Variants in ITGA8 observed in about 807,000 individuals in gnomAD.
ITGA8 encodes the protein integrin subunit alpha 8.
ITGA8 carries 91 observed loss-of-function variants against 142.3 expected under a neutral mutation model. The observed-to-expected ratio is 0.64, with a 90% CI of 0.54 to 0.76. The LOEUF (loss-of-function observed/expected upper bound fraction) is 0.76. Ranked by LOEUF, ITGA8 falls within the 30% of genes least tolerant of loss-of-function variation. The pLI is 0.00. For synonymous variants in ITGA8, 505 were observed against 485.2 expected (o/e 1.04, Z -0.54); for missense variants, 1,406 against 1,327.7 (o/e 1.06, Z -0.92).
chr10:15,601,876 A>T (rs1833110358), intron 20 of ITGA8, among the ~76,000 whole-genome samples: 1 of 152,234 alleles, frequency 6.6e-6, no homozygotes, highest in Non-Finnish European at 1.5e-5. Context: ...CAAACCTCAA[A>T]CTGTTTCCAA....
At chr10:15,644,481 TA>T (rs1564389008) in intron 12 of ITGA8, among the ~76,000 whole-genome samples, 2 of 22,326 alleles carry the variant, frequency 9.0e-5, no homozygotes, top group Non-Finnish European at 2.0e-4. Flanking sequence ...TATATATATA[TA>T]TATATATATA....
chr10:15,557,964 G>A, intron 26 of ITGA8, 110 bp downstream of exon 26: 1 of 1,313,820 alleles, frequency 7.6e-7, no homozygotes, highest in Non-Finnish European at 1.1e-6. Context: ...AGGAATATCT[G>A]AGCACTGAAG....
intron 13 of ITGA8, among the ~76,000 whole-genome samples, chr10:15,631,408 C>A (rs1413358081): frequency 1.3e-5 from 2 of 151,936 alleles, no homozygotes; most frequent in Admixed American, 6.6e-5. Flanking sequence ...GAGTTCATGT[C>A]CTTTGCGGGG....
rs1036304397 is a variant in ITGA8, at chr10:15,711,446, C to T, written c.343+7320G>A. Among the ~76,000 whole-genome samples the T allele has an allele frequency of 1.1e-4, 17 of 152,158 alleles. No individual in the cohort carries two copies. In the East Asian group the frequency reaches 1.5e-3, roughly 14 times the overall value. ...TAATCATCATATCAAATATGTAACT[C>T]TCTTGCCTTCTCCATAAAGGTTTTT... On this transcript the variant is annotated intron_variant, in intron 2 of 29. Transcript: ENST00000378076.
intron 22 of ITGA8, among the ~76,000 whole-genome samples, chr10:15,590,334 G>A (rs899829032): frequency 6.6e-6 from 1 of 152,104 alleles, no homozygotes; most frequent in African/African-American, 2.4e-5. Flanking sequence ...GGATGGACTC[G>A]GGGAAGCCAT....
At chr10:15,708,110 C>T (rs1030804681) in intron 2 of ITGA8, among the ~76,000 whole-genome samples, 3 of 152,196 alleles carry the variant, frequency 2.0e-5, no homozygotes, top group African/African-American at 4.8e-5. Flanking sequence ...ACGTACTCCA[C>T]GTCAAGAACA....
At chr10:15,642,325 G>A (rs865874271) in intron 13 of ITGA8, among the ~76,000 whole-genome samples, 1 of 152,078 alleles carries the variant, frequency 6.6e-6, no homozygotes, top group African/African-American at 2.4e-5. Flanking sequence ...TCAAAGGACT[G>A]GCTATGTGAT....
intron 25 of ITGA8, among the ~76,000 whole-genome samples, chr10:15,563,499 G>T (rs1466131270): frequency 1.3e-5 from 2 of 152,130 alleles, no homozygotes; most frequent in Admixed American, 1.3e-4. Flanking sequence ...TAACTCTGTG[G>T]TTAACCAAGC....
chr10:15,589,844 C>T (rs950364737), intron 22 of ITGA8, among the ~76,000 whole-genome samples: 1 of 149,492 alleles, frequency 6.7e-6, no homozygotes, highest in Non-Finnish European at 1.5e-5. Flanking sequence ...CTCGCTGCAA[C>T]CTCTGCCTGC....
chr10:15,609,444 G>T (rs76348088), intron 15 of ITGA8, among the ~76,000 whole-genome samples: 1 of 152,168 alleles, frequency 6.6e-6, no homozygotes, highest in African/African-American at 2.4e-5. Flanking sequence ...TAATGAAAAA[G>T]TGTCACATCT....
rs757959277 is a variant in ITGA8, at chr10:15,597,328, G to A, written c.2119-29C>T. 4 of 1,574,284 alleles carry A rather than the reference G, an allele frequency of 2.5e-6. No individual in the cohort carries two copies. The South Asian group carries it at 4.4e-5, about 17-fold the overall frequency. Reference sequence around the variant, plus strand: ...CAATTGCAAAGAACAGGGGGTTTAGGGGGCAGGATAAATGACATCCTGACA... The same window carrying A: ...CAATTGCAAAGAACAGGGGGTTTAGAGGGCAGGATAAATGACATCCTGACA... On this transcript the variant is annotated intron_variant, in intron 20 of 29. Transcript: ENST00000378076.
intron 25 of ITGA8, among the ~76,000 whole-genome samples, chr10:15,566,830 A>G (rs1016016945): frequency 3.1e-5 from 3 of 96,130 alleles, no homozygotes; most frequent in Non-Finnish European, 4.2e-5. Context: ...AAAAAAAAAG[A>G]GGCCGGGTGC....
chr10:15,665,501 G>A (rs1267027252), intron 8 of ITGA8, among the ~76,000 whole-genome samples: 2 of 152,062 alleles, frequency 1.3e-5, no homozygotes, highest in Admixed American at 1.3e-4. Flanking sequence ...CTTTTGCTGT[G>A]CAGAAGCTCT....
At chr10:15,684,205 T>C (rs1430868918) in intron 3 of ITGA8, 78 bp from the exon 4 acceptor site, 3 of 1,436,652 alleles carry the variant, frequency 2.1e-6, no homozygotes, top group Non-Finnish European at 2.8e-6. Flanking sequence ...ATTATTGGTA[T>C]AACAAACTGT....
intron 28 of ITGA8, among the ~76,000 whole-genome samples, chr10:15,529,810 AG>A (rs1247476448): frequency 6.6e-6 from 1 of 152,226 alleles, no homozygotes; most frequent in Non-Finnish European, 1.5e-5. Flanking sequence ...CATCCAAAGC[AG>A]TGCTTCTCAA....
At chr10:15,623,999 T>C (rs538974516) in intron 13 of ITGA8, among the ~76,000 whole-genome samples, 34 of 152,318 alleles carry the variant, frequency 2.2e-4, no homozygotes, top group Middle Eastern at 3.4e-3. Flanking sequence ...TCCACAATGT[T>C]GTGTGTTCCA....
intron 15 of ITGA8, among the ~76,000 whole-genome samples, 193 bp from the exon 16 acceptor site, chr10:15,608,483 C>T (rs111915319): frequency 1.1e-3 from 171 of 152,084 alleles, no homozygotes; most frequent in African/African-American, 3.9e-3. Flanking sequence ...AGACAAGTGA[C>T]ATTATTATTA....
Position 15,644,093 on chromosome 10 carries a change from C to T in ITGA8, c.1336G>A (p.Val446Ile), listed in dbSNP as rs140434568. 7.7e-4 allele frequency: 1,236 copies of T among 1,614,046 alleles called. 2 individuals carry two copies. The highest frequency in any genetic ancestry group is 9.8e-4 in the Non-Finnish European group (1,157 of 1,179,980). Reference sequence around the variant, plus strand: ...AAAGTAAAGCCAAATCCGGAAGGGACAGCATGTGAGGCCCACACTCCTTGC... The same window carrying T: ...AAAGTAAAGCCAAATCCGGAAGGGATAGCATGTGAGGCCCACACTCCTTGC... ...VLQGVWASHA[V>I]PSGFGFTLRG... is the part of the protein sequence containing the mutation. The change falls in exon 13 of 30, where the codon GTC (valine) becomes ATC (isoleucine). Residue 446 changes from valine to isoleucine, a missense_variant. Transcript: ENST00000378076.
rs1275420062 is a variant in ITGA8 at position 15,515,008 on chromosome 10, G to C, written c.*2150C>G. 6.6e-6 allele frequency: 1 copy of C among 152,168 alleles called. No homozygotes were observed. Among genetic ancestry groups the C allele is most frequent in the East Asian group, 1.9e-4 (1 of 5,188 alleles). 9.4% of individuals were successfully genotyped at this position (152,168 alleles called of 1,614,324 possible). On this transcript the variant is annotated 3_prime_UTR_variant, in exon 30 of 30. Coordinates refer to ENST00000378076, the MANE Select transcript of ITGA8 (RefSeq NM_003638.3). ...AAGAGTTCTCAGTTCCTTCACCAATGTTGGCTTAAAGACAAGGGGTGCATT... is the reference window on the plus strand; with the variant it reads ...AAGAGTTCTCAGTTCCTTCACCAATCTTGGCTTAAAGACAAGGGGTGCATT...
Sources: gnomAD v4.1 joint callset for allele counts (sites outside exome capture counted in the v4.1 genomes callset) on GRCh38, gnomAD v4.1.1 for gene constraint, MANE v1.5 for transcripts, NCBI Gene and HGNC (gene_info 2026-07-23, HGNC 2026-07-21) for gene names.